Variants in MECOM observed in about 807,000 individuals in gnomAD.
MECOM encodes histone-lysine N-methyltransferase MECOM.
In MECOM, 13 loss-of-function variants were observed where a neutral mutation model predicts 116.3. That is an observed-to-expected ratio of 0.11 (90% CI 0.07 to 0.18). The LOEUF is 0.18. Ranked by LOEUF, MECOM falls within the 10% of genes least tolerant of loss-of-function variation. The pLI is 1.00. For synonymous variants in MECOM, 528 were observed against 535.2 expected, an observed-to-expected ratio of 0.99 and a Z score of 0.19; for missense variants, 1,299 against 1,509.0, an observed-to-expected ratio of 0.86 and a Z score of 2.31.
At chr3:169,368,140 G>A (rs1729493768) in intron 2 of MECOM, among the ~76,000 whole-genome samples, 1 of 151,938 alleles carries the variant, frequency 6.6e-6, no homozygotes, top group Admixed American at 6.6e-5. Context: ...TGCCCTTTGT[G>A]ATTTTTTAGC....
intron 5 of MECOM, among the ~76,000 whole-genome samples, chr3:169,123,962 C>A (rs1731945050): frequency 6.6e-6 from 1 of 152,044 alleles, no homozygotes; most frequent in Admixed American, 6.6e-5. Flanking sequence ...TATTTGTGCA[C>A]ATATCTGCTT....
At chr3:169,223,385 G>C (rs942068465) in intron 2 of MECOM, among the ~76,000 whole-genome samples, 18 of 147,554 alleles carry the variant, frequency 1.2e-4, no homozygotes, top group African/African-American at 4.3e-4. Context: ...AACATGTGGT[G>C]TTTGGTTTTC....
intron 2 of MECOM, among the ~76,000 whole-genome samples, chr3:169,357,569 C>A (rs1727478331): frequency 6.6e-6 from 1 of 151,804 alleles, no homozygotes; most frequent in South Asian, 2.1e-4. Flanking sequence ...TTAACACCTG[C>A]AAATAATTTC....
chr3:169,346,324 C>T (rs539251425), intron 2 of MECOM, among the ~76,000 whole-genome samples: 24 of 152,130 alleles, frequency 1.6e-4, no homozygotes, highest in African/African-American at 5.5e-4. Flanking sequence ...AGTGGTAAAT[C>T]TTGTGATTTC....
chr3:169,355,539 C>A (rs965103637), intron 2 of MECOM, among the ~76,000 whole-genome samples: 10 of 151,896 alleles, frequency 6.6e-5, no homozygotes, highest in Non-Finnish European at 1.5e-4. Context: ...AATTATTGCA[C>A]CCAGAGGCTA....
chr3:169,161,459 C>T (rs1742835438), intron 2 of MECOM, among the ~76,000 whole-genome samples: 2 of 152,010 alleles, frequency 1.3e-5, no homozygotes, highest in Admixed American at 6.6e-5. Flanking sequence ...ATGGACAGAC[C>T]TAAAAGAAGA....
intron 2 of MECOM, among the ~76,000 whole-genome samples, chr3:169,150,140 C>G (rs554532802): frequency 1.3e-5 from 2 of 152,104 alleles, no homozygotes; most frequent in Non-Finnish European, 2.9e-5. Context: ...TGAAATCCCA[C>G]AGTAGTTAGA....
chr3:169,516,928 G>A (rs1047270877), intron 1 of MECOM, among the ~76,000 whole-genome samples: 2 of 152,112 alleles, frequency 1.3e-5, no homozygotes, highest in Non-Finnish European at 1.5e-5. Context: ...GCAACATGCA[G>A]GCAAACGAAA....
At chr3:169,638,545 A>G (rs1439368889) in intron 1 of MECOM, among the ~76,000 whole-genome samples, 2 of 152,192 alleles carry the variant, frequency 1.3e-5, no homozygotes, top group Admixed American at 6.5e-5. Flanking sequence ...TGTATTTACT[A>G]GTATATAATT....
intron 1 of MECOM, among the ~76,000 whole-genome samples, chr3:169,451,340 C>T (rs899798714): frequency 7.3e-5 from 11 of 151,276 alleles, no homozygotes; most frequent in Non-Finnish European, 1.0e-4. Flanking sequence ...AAGTCTTATA[C>T]ATAAAAAGAA....
intron 1 of MECOM, among the ~76,000 whole-genome samples, chr3:169,587,500 A>G (rs927980162): frequency 2.0e-5 from 3 of 151,730 alleles, no homozygotes; most frequent in Admixed American, 2.0e-4. Context: ...GAATGGGCCA[A>G]CTCAAACAAC....
intron 4 of MECOM, among the ~76,000 whole-genome samples, chr3:169,130,461 C>A (rs1734301680): frequency 6.6e-6 from 1 of 151,274 alleles, no homozygotes; most frequent in Admixed American, 6.6e-5. Context: ...CGCCCCCCGC[C>A]CCCGCCGCCA....
At chr3:169,265,746 C>T (rs1449855134) in intron 2 of MECOM, among the ~76,000 whole-genome samples, 1 of 152,122 alleles carries the variant, frequency 6.6e-6, no homozygotes, top group Non-Finnish European at 1.5e-5. Context: ...GTGTTCTACC[C>T]CCAGTACTTC....
chr3:169,261,218 AT>A (rs1014342454), intron 2 of MECOM, among the ~76,000 whole-genome samples: 3 of 152,020 alleles, frequency 2.0e-5, no homozygotes, highest in South Asian at 4.1e-4. Flanking sequence ...AGATAAAAAT[AT>A]TTTTTTCTTT....
intron 1 of MECOM, among the ~76,000 whole-genome samples, chr3:169,579,804 T>C: frequency 6.6e-6 from 1 of 152,150 alleles, no homozygotes; most frequent in East Asian, 1.9e-4. Flanking sequence ...AAATCCCAAC[T>C]AGCTGATCTG....
chr3:169,272,510 A>T lies in MECOM; in HGVS notation c.375+108677T>A, dbSNP rs150955539. The stretch of plus-strand genomic sequence containing the variant: ...GCAGAAGGAACCTGGTCATAGAAAA[A>T]AAATTATATATTATTAAAGAAACAT... On this transcript the variant is annotated intron_variant, in intron 2 of 16. Transcript: ENST00000651503. 5.8e-3 allele frequency among the ~76,000 whole-genome samples: 881 copies of T among 152,312 alleles called. 10 individuals are homozygous for T. The highest frequency in any genetic ancestry group is 0.02 in the African/African-American group (827 of 41,560).
intron 11 of MECOM, among the ~76,000 whole-genome samples, chr3:169,101,704 G>T (rs73166197): frequency 0.063 from 9,588 of 152,046 alleles, 446 homozygotes; most frequent in South Asian, 0.2. Flanking sequence ...ATTCTTTAAT[G>T]CCATGACAAT....
intron 2 of MECOM, among the ~76,000 whole-genome samples, chr3:169,338,532 A>C (rs971118467): frequency 6.6e-6 from 1 of 152,034 alleles, no homozygotes; most frequent in African/African-American, 2.4e-5. Flanking sequence ...ATTTAGGCCA[A>C]AGAAACCTTT....
intron 1 of MECOM, among the ~76,000 whole-genome samples, chr3:169,415,377 A>T (rs1022004235): frequency 1.3e-5 from 2 of 152,228 alleles, no homozygotes; most frequent in African/African-American, 4.8e-5. Flanking sequence ...AGCGCTCCTG[A>T]AGGAAGCACT....
Sources: gnomAD v4.1 joint callset for allele counts (sites outside exome capture counted in the v4.1 genomes callset) on GRCh38, gnomAD v4.1.1 for gene constraint, MANE v1.5 for transcripts, NCBI Gene and HGNC (gene_info 2026-07-23, HGNC 2026-07-21) for gene names.